The following MCPH1 variants were observed in gnomAD, a reference collection of about 807,000 sequenced individuals.
MCPH1 encodes the protein microcephalin.
In MCPH1, 104 loss-of-function variants were observed where a neutral mutation model predicts 84.5. That is an observed-to-expected ratio of 1.23 (90% CI 1.05 to 1.45). The LOEUF (loss-of-function observed/expected upper bound fraction) is 1.45. MCPH1 is among the 40% of genes most tolerant of loss of function. MCPH1 has a pLI of 0.00. For missense variants in MCPH1, 1,498 were observed against 1,005.7 expected, an observed-to-expected ratio of 1.49 and a Z score of -6.62; for synonymous variants, 514 against 366.8, an observed-to-expected ratio of 1.40 and a Z score of -4.58.
chr8:6,584,985 G>T (rs1340827576), intron 12 of MCPH1, among the ~76,000 whole-genome samples: 1 of 152,210 alleles, frequency 6.6e-6, no homozygotes, highest in Admixed American at 6.5e-5. Context: ...GATTAGCAAG[G>T]CTCATGAAGC....
chr8:6,526,257 TAAAAAAAAA>T (rs35519559), intron 12 of MCPH1, among the ~76,000 whole-genome samples: 6 of 77,464 alleles, frequency 7.7e-5, no homozygotes, highest in South Asian at 1.2e-3. Flanking sequence ...TTGCCTCTAC[TAAAAAAAAA>T]AAAAAAAAAA....
chr8:6,479,253 T>G (rs1394483193), intron 10 of MCPH1, among the ~76,000 whole-genome samples: 1 of 148,840 alleles, frequency 6.7e-6, no homozygotes, highest in Admixed American at 6.9e-5. Flanking sequence ...GGCAACAGAG[T>G]GAGACCCTGT....
intron 2 of MCPH1, among the ~76,000 whole-genome samples, chr8:6,410,582 TTGA>T (rs1179313312): frequency 1.3e-5 from 2 of 152,212 alleles, no homozygotes; most frequent in Non-Finnish European, 1.5e-5. Flanking sequence ...AATAATGTCC[TTGA>T]TACCAAATAG....
intron 12 of MCPH1, chr8:6,514,881 G>GA (rs2129567867): frequency 1.1e-6 from 1 of 941,894 alleles, no homozygotes; most frequent in East Asian, 2.4e-5. Flanking sequence ...ACTCAGCCGA[G>GA]AGGGTTCTCT....
intron 12 of MCPH1, among the ~76,000 whole-genome samples, chr8:6,522,216 G>A (rs946754967): frequency 9.2e-5 from 14 of 152,056 alleles, no homozygotes; most frequent in African/African-American, 2.4e-4. Context: ...TTCTCCAGGC[G>A]TGGTGGCGGG....
intron 12 of MCPH1, among the ~76,000 whole-genome samples, chr8:6,611,144 A>ACACACT (rs1166479661): frequency 6.6e-6 from 1 of 151,948 alleles, no homozygotes; most frequent in Non-Finnish European, 1.5e-5. Flanking sequence ...ACACACACAC[A>ACACACT]CACACTCAGA....
At chr8:6,532,815 C>T (rs942281276) in intron 12 of MCPH1, among the ~76,000 whole-genome samples, 16 of 152,166 alleles carry the variant, frequency 1.1e-4, no homozygotes, top group Non-Finnish European at 1.5e-4. Flanking sequence ...CTGCTGGGTG[C>T]GGCCACTGTG....
rs186639959 is a variant in MCPH1 at position 6,617,188 on chromosome 8, T to A, written c.2215-4266T>A. 4.6e-5 allele frequency: 7 copies of A among 151,682 alleles called. No individual in the cohort carries two copies. In the East Asian group the frequency reaches 1.4e-3, roughly 29 times the overall value. 9.4% of individuals were successfully genotyped at this position (151,682 alleles called of 1,614,324 possible). ...ATTGTCCTTTGAACCAGTTATAGCA[T>A]TTGAGTTAAGTAAAATGAATACACT... On this transcript the variant is annotated intron_variant, in intron 12 of 13. Transcript: ENST00000344683.
intron 4 of MCPH1, among the ~76,000 whole-genome samples, chr8:6,434,868 A>G (rs1231405818): frequency 1.3e-5 from 2 of 152,220 alleles, no homozygotes; most frequent in East Asian, 1.9e-4. Context: ...GAAAGAAGTC[A>G]GGCATAAAAG....
chr8:6,584,428 T>C (rs1349476617), intron 12 of MCPH1, among the ~76,000 whole-genome samples: 2 of 152,220 alleles, frequency 1.3e-5, no homozygotes, highest in Non-Finnish European at 2.9e-5. Context: ...ATGGAGATTA[T>C]TGTGAAAAGA....
chr8:6,490,854 G>A (rs888620856), intron 11 of MCPH1, among the ~76,000 whole-genome samples: 6 of 151,706 alleles, frequency 4.0e-5, no homozygotes, highest in Non-Finnish European at 4.4e-5. Context: ...TCTTTTTCTT[G>A]GGTTCTTGTT....
At chr8:6,413,546 G>T (rs967147357) in intron 2 of MCPH1, among the ~76,000 whole-genome samples, 1 of 151,550 alleles carries the variant, frequency 6.6e-6, no homozygotes, top group Non-Finnish European at 1.5e-5. Context: ...GGATCTCCTG[G>T]TCTGAGCTTC....
rs553817548 is a variant in MCPH1 at position 6,505,445 on chromosome 8, A to G, written c.2214+5516A>G. ...CATAAAGAATATATATATTCTTTAT[A>G]TACATATAGAATATATATATTCTTT... On this transcript the variant is annotated intron_variant, in intron 12 of 13. Transcript: ENST00000344683. Among the ~76,000 whole-genome samples the G allele has an allele frequency of 3.4e-3, 281 of 83,694 alleles. 32 individuals carry two copies. The South Asian group carries it at 0.055, about 16-fold the overall frequency. The allele number at this position is 83,694 out of a possible 152,430, so 54.9% of individuals were successfully genotyped here. A position where few individuals can be genotyped will look rare whatever the true frequency, so the allele number is the denominator to read the frequency against.
chr8:6,519,282 C>A (rs1255825334), intron 12 of MCPH1, among the ~76,000 whole-genome samples: 1 of 152,166 alleles, frequency 6.6e-6, no homozygotes, highest in African/African-American at 2.4e-5. Flanking sequence ...TAAGACACCA[C>A]CGGTCTGTGG....
In MCPH1 at chr8:6,413,927, G is replaced by C. The variant is rs542472451; in HGVS notation, c.115-838G>C. 3.9e-5 allele frequency among the ~76,000 whole-genome samples: 6 copies of C among 152,060 alleles called. No homozygotes were observed. The East Asian group carries it at 1.2e-3, about 29-fold the overall frequency. The stretch of plus-strand genomic sequence containing the variant: ...GAACCTCCACGCTTGGCTAATTTTT[G>C]TATTTTTAGTAGAGACAGGGTTTTT... On this transcript the variant is annotated intron_variant, in intron 2 of 13. Coordinates refer to ENST00000344683, the MANE Select transcript of MCPH1 (RefSeq NM_024596.5).
At position 6,429,665 on chromosome 8, in the gene MCPH1, A is replaced by G. The variant is rs528342649; in HGVS notation, c.234-1834A>G. Among the ~76,000 whole-genome samples, 6 of 152,186 alleles carry G rather than the reference A, an allele frequency of 3.9e-5. No individual in the cohort carries two copies. The East Asian group carries it at 9.6e-4, about 24-fold the overall frequency. On this transcript the variant is annotated intron_variant, in intron 3 of 13. Coordinates refer to ENST00000344683, the MANE Select transcript of MCPH1 (RefSeq NM_024596.5). ...GGGGGTCAAGAGAAAAGCATGTGCTAAGTCCACCAGATTTAACCAGAGGTC... is the reference window on the plus strand; with the variant it reads ...GGGGGTCAAGAGAAAAGCATGTGCTGAGTCCACCAGATTTAACCAGAGGTC...
intron 2 of MCPH1, among the ~76,000 whole-genome samples, chr8:6,410,177 T>C (rs1403562300): frequency 2.6e-5 from 4 of 151,890 alleles, no homozygotes; most frequent in Non-Finnish European, 4.4e-5. Context: ...GGTTTCACCA[T>C]GTTGGCCAGG....
intron 12 of MCPH1, among the ~76,000 whole-genome samples, chr8:6,578,720 C>G (rs766901540): frequency 3.3e-5 from 5 of 152,140 alleles, no homozygotes; most frequent in Non-Finnish European, 7.3e-5. Context: ...CAAACACAGG[C>G]TCATTACAGG....
rs2129556799 is a variant in MCPH1 at position 6,455,184 on chromosome 8, T to C, written c.1867T>C (p.Ser623Pro). ...AACAAGGCATGATGTTTTAGATGAC[T>C]CATGTGACGGCTTTAAGGACCTCAT... is the stretch of plus-strand genomic sequence containing the variant. ...RPTRHDVLDD[S>P]CDGFKDLIKP... Residue 623 changes from serine to proline, a missense_variant, in exon 9 of 14, where the codon TCA becomes CCA. Physicochemically the swap from Ser to Pro is moderately conservative, Grantham distance 74. Transcript: ENST00000344683. 1 of 1,614,094 alleles carries C rather than the reference T, an allele frequency of 6.2e-7. No homozygotes were observed. The highest frequency in any genetic ancestry group is 8.5e-7 in the Non-Finnish European group (1 of 1,179,976).
Sources: gnomAD v4.1 joint callset for allele counts (sites outside exome capture counted in the v4.1 genomes callset) on GRCh38, gnomAD v4.1.1 for gene constraint, MANE v1.5 for transcripts, NCBI Gene and HGNC (gene_info 2026-07-23, HGNC 2026-07-21) for gene names.